Variants in RIPK4 observed in about 807,000 individuals in gnomAD.
RIPK4 encodes receptor-interacting serine/threonine-protein kinase 4.
RIPK4 carries 17 observed loss-of-function variants against 42.9 expected under a neutral mutation model. That is an observed-to-expected ratio of 0.40 (90% CI 0.27 to 0.59). The LOEUF is 0.59. Among genes scored for constraint, RIPK4 ranks in the 20% least tolerant of loss-of-function variants. The pLI, the probability that RIPK4 is intolerant of heterozygous loss-of-function variation, is 0.47. For synonymous variants in RIPK4, 498 were observed against 499.1 expected, an observed-to-expected ratio of 1.00 and a Z score of 0.03; for missense variants, 897 against 1,104.4, an observed-to-expected ratio of 0.81 and a Z score of 2.66.
Position 41,756,579 on chromosome 21 carries a change from C to G in RIPK4, c.420G>C (p.Leu140=). The G allele has an allele frequency of 6.2e-7, 1 of 1,614,042 alleles. No homozygotes were observed. Among genetic ancestry groups the G allele is most frequent in the East Asian group, 2.2e-5 (1 of 44,888 alleles). Residue 140 remains leucine (L), a synonymous_variant, in exon 2 of 8, where the codon CTG becomes CTC. Transcript: ENST00000332512. ...TGTTCGCGGGCTTGAGGTCCAGGTG[C>G]AGGAGTGGCGGGGCCATGCAGTGCA... ...NFLHCMAPPL[L]HLDLKPANIL...
intron 7 of RIPK4, 26 bp downstream of exon 7, chr21:41,743,856 C>T (rs570879235): frequency 4.3e-5 from 67 of 1,558,410 alleles, no homozygotes; most frequent in South Asian, 3.8e-4. Context: ...CAGCATCTCT[C>T]GGGACACAGA....
intron 1 of RIPK4, among the ~76,000 whole-genome samples, chr21:41,757,714 A>T (rs933152009): frequency 1.3e-5 from 2 of 151,858 alleles, no homozygotes; most frequent in Non-Finnish European, 2.9e-5. Flanking sequence ...AAAATAAAAA[A>T]TATAGGCCGG....
At chr21:41,756,023 G>A (rs2061202248) in intron 2 of RIPK4, among the ~76,000 whole-genome samples, 1 of 152,226 alleles carries the variant, frequency 6.6e-6, no homozygotes, top group Non-Finnish European at 1.5e-5. Flanking sequence ...CGCAGGGGCA[G>A]ACAGAGGCAA....
chr21:41,758,111 T>C (rs150501287), intron 1 of RIPK4, among the ~76,000 whole-genome samples: 97 of 148,012 alleles, frequency 6.6e-4, no homozygotes, highest in African/African-American at 2.3e-3. Context: ...TAGTATTTAT[T>C]ATTTTAGCCA....
At chr21:41,749,753 C>T (rs1201075953) in intron 3 of RIPK4, among the ~76,000 whole-genome samples, 7 of 151,904 alleles carry the variant, frequency 4.6e-5, no homozygotes, top group Non-Finnish European at 4.4e-5. Context: ...AAAGAAAGTG[C>T]GCAGAAAACG....
intron 1 of RIPK4, among the ~76,000 whole-genome samples, chr21:41,764,508 G>A (rs898143797): frequency 1.3e-5 from 2 of 151,958 alleles, no homozygotes; most frequent in Non-Finnish European, 2.9e-5. Context: ...GTACAGGGCC[G>A]GGGGCTGCAC....
intron 1 of RIPK4, among the ~76,000 whole-genome samples, chr21:41,758,037 T>TAGAG (rs1475948469): frequency 1.0e-4 from 10 of 95,714 alleles, no homozygotes; most frequent in Non-Finnish European, 1.3e-4. Flanking sequence ...TATATATATA[T>TAGAG]ATATAGAGAG....
At chr21:41,757,319 G>A (rs150394518) in intron 1 of RIPK4, among the ~76,000 whole-genome samples, 3 of 152,134 alleles carry the variant, frequency 2.0e-5, no homozygotes, top group East Asian at 1.9e-4. Flanking sequence ...TCAGGAGTTC[G>A]AGACCAGCCT....
intron 7 of RIPK4, 37 bp downstream of exon 7, chr21:41,743,845 C>T: frequency 6.5e-7 from 1 of 1,545,968 alleles, no homozygotes; most frequent in Non-Finnish European, 8.7e-7. Context: ...CCCGCCAAGC[C>T]CAGCATCTCT....
intron 4 of RIPK4, 34 bp downstream of exon 4, chr21:41,749,120 A>T: frequency 6.2e-7 from 1 of 1,610,916 alleles, no homozygotes; most frequent in Non-Finnish European, 8.5e-7. Context: ...CAGGAAAGAC[A>T]AGCACATTAC....
At chr21:41,747,953 G>C (rs1187385574) in intron 4 of RIPK4, among the ~76,000 whole-genome samples, 1 of 152,200 alleles carries the variant, frequency 6.6e-6, no homozygotes, top group Non-Finnish European at 1.5e-5. Context: ...TCCAATAAGG[G>C]AACACTAGGC....
intron 2 of RIPK4, among the ~76,000 whole-genome samples, chr21:41,753,043 GC>G (rs2061193045): frequency 6.6e-6 from 1 of 152,036 alleles, no homozygotes; most frequent in Non-Finnish European, 1.5e-5. Context: ...TACTTTCTAG[GC>G]AATTCCTCCT....
chr21:41,747,152 C>G (rs180685224), intron 4 of RIPK4, among the ~76,000 whole-genome samples: 1 of 152,240 alleles, frequency 6.6e-6, no homozygotes, highest in Non-Finnish European at 1.5e-5. Flanking sequence ...ATGAGGCTCA[C>G]GCACCATGGA....
intron 1 of RIPK4, among the ~76,000 whole-genome samples, chr21:41,759,559 G>C (rs978093823): frequency 1.3e-5 from 2 of 152,140 alleles, no homozygotes; most frequent in Non-Finnish European, 2.9e-5. Flanking sequence ...AGAATCCAGC[G>C]TCCAGCCCAA....
At chr21:41,764,864 C>T (rs1334684805) in intron 1 of RIPK4, among the ~76,000 whole-genome samples, 3 of 152,238 alleles carry the variant, frequency 2.0e-5, no homozygotes, top group Non-Finnish European at 2.9e-5. Flanking sequence ...CCAGGCCCAG[C>T]AGAGCACAGG....
rs374552327 is a variant in RIPK4 at position 41,766,618 on chromosome 21, C to T, written c.182+242G>A. On this transcript the variant is annotated intron_variant, in intron 1 of 7. Transcript: ENST00000332512. ...CCCAGAGGAGCCCCAGAGGAGCCGC[C>T]TGACCCGGCCCCGACGTGCGCGATC... Among the ~76,000 whole-genome samples, 4 of 152,260 alleles carry T rather than the reference C, an allele frequency of 2.6e-5. No homozygotes were observed. In the South Asian group the frequency reaches 6.2e-4, roughly 24 times the overall value.
rs778398173 is a variant in RIPK4, at chr21:41,746,606, T to C, written c.832+7A>G. The stretch of plus-strand genomic sequence containing the variant: ...AGAATGTGGCGGGGAGACCCCGGGG[T>C]GCTCACCTTGGAAGGTGGGCCTAAC... On this transcript the variant is annotated splice_region_variant and intron_variant, in intron 5 of 7. Transcript: ENST00000332512. 20 of 1,584,230 alleles carry C rather than the reference T, an allele frequency of 1.3e-5. No individual in the cohort carries two copies. Among genetic ancestry groups the C allele is most frequent in the Non-Finnish European group, 1.7e-5 (20 of 1,169,242 alleles).
intron 4 of RIPK4, among the ~76,000 whole-genome samples, chr21:41,747,490 T>C (rs2061175413): frequency 1.3e-5 from 2 of 152,290 alleles, no homozygotes; most frequent in African/African-American, 4.8e-5. Context: ...TCAAGGTTCT[T>C]GTTCCCAACA....
chr21:41,740,933 G>C lies in RIPK4; in HGVS notation c.2260C>G (p.Leu754Val). Reference sequence around the variant, plus strand: ...TTGATGTGGGCCCCATGCCTGAGCAGAGTCTCCACCGTCTGTGCGTGCCGG... The same window carrying C: ...TTGATGTGGGCCCCATGCCTGAGCACAGTCTCCACCGTCTGTGCGTGCCGG... ...QGRHAQTVET[L>V]LRHGAHINLQ... The change falls in exon 8 of 8, where the codon CTG becomes GTG. Residue 754 changes from leucine (L) to valine (V), a missense_variant. By Grantham distance (32) the Leu-to-Val change is conservative. Coordinates refer to ENST00000332512, the MANE Select transcript of RIPK4 (RefSeq NM_020639.3). 2 of 1,612,592 alleles carry C rather than the reference G, an allele frequency of 1.2e-6. No individual in the cohort carries two copies.
Sources: allele counts gnomAD v4.1 joint callset (sites outside exome capture counted in the v4.1 genomes callset), GRCh38; gene constraint gnomAD v4.1.1; transcripts MANE v1.5; gene names NCBI Gene and HGNC (gene_info 2026-07-23, HGNC 2026-07-21).